The following CDH12 variants were observed in gnomAD, a reference collection of about 807,000 sequenced individuals.
CDH12 encodes the protein cadherin-12.
CDH12 carries 41 observed loss-of-function variants against 74.1 expected under a neutral mutation model. The ratio of observed to expected loss-of-function variants is 0.55; its 90% CI spans 0.43 to 0.72. The LOEUF is 0.72. Ranked by LOEUF, CDH12 falls within the 30% of genes least tolerant of loss-of-function variation. The pLI is 0.00. For synonymous variants in CDH12, 399 were observed against 355.0 expected, an observed-to-expected ratio of 1.12 and a Z score of -1.39; for missense variants, 945 against 977.2, an observed-to-expected ratio of 0.97 and a Z score of 0.44.
intron 1 of CDH12, among the ~76,000 whole-genome samples, chr5:22,744,424 G>A (rs962789205): frequency 1.6e-4 from 22 of 139,670 alleles, no homozygotes; most frequent in African/African-American, 4.8e-4. Context: ...GTGAGACTCC[G>A]TCTCAAAAAA....
Position 22,451,422 on chromosome 5 carries a change from C to A in CDH12, c.-427-46071G>T, listed in dbSNP as rs186541613. Among the ~76,000 whole-genome samples the A allele has an allele frequency of 6.2e-3, 946 of 151,924 alleles. 7 individuals are homozygous for A. Among genetic ancestry groups the A allele is most frequent in the African/African-American group, 0.021 (889 of 41,494 alleles). ...CAATGCGAGGATGGTTCACTATATG[C>A]AAATCAATACACATGATCTAGCACC... is the stretch of plus-strand genomic sequence containing the variant. On this transcript the variant is annotated intron_variant, in intron 2 of 14. Transcript: ENST00000382254.
chr5:21,922,896 CTAG>C (rs1754415830), intron 6 of CDH12, among the ~76,000 whole-genome samples: 1 of 151,450 alleles, frequency 6.6e-6, no homozygotes, highest in Non-Finnish European at 1.5e-5. Flanking sequence ...TTGAATCAGG[CTAG>C]TAATAAATAC....
At chr5:21,821,954 T>C (rs1207578220) in intron 8 of CDH12, among the ~76,000 whole-genome samples, 2 of 151,560 alleles carry the variant, frequency 1.3e-5, no homozygotes, top group African/African-American at 4.8e-5. Context: ...TATTTCACCT[T>C]ACTTAAACAA....
intron 4 of CDH12, among the ~76,000 whole-genome samples, chr5:22,104,517 GT>G (rs1744319315): frequency 6.6e-6 from 1 of 152,092 alleles, no homozygotes; most frequent in South Asian, 2.1e-4. Context: ...TGTTTGTTTT[GT>G]TATTAGCAGG....
At chr5:22,393,609 G>A (rs1238557726) in intron 3 of CDH12, among the ~76,000 whole-genome samples, 3 of 152,062 alleles carry the variant, frequency 2.0e-5, no homozygotes, top group African/African-American at 7.2e-5. Flanking sequence ...GAAGAATTTG[G>A]AGAAGCACAA....
intron 1 of CDH12, among the ~76,000 whole-genome samples, chr5:22,523,221 T>C (rs1257619745): frequency 6.6e-6 from 1 of 152,198 alleles, no homozygotes; most frequent in African/African-American, 2.4e-5. Context: ...GGTGCTGATT[T>C]CACGTCATAT....
At chr5:22,639,387 C>T (rs939376841) in intron 1 of CDH12, among the ~76,000 whole-genome samples, 4 of 149,720 alleles carry the variant, frequency 2.7e-5, no homozygotes, top group African/African-American at 9.8e-5. Context: ...TGTGGCTGGG[C>T]AAGTTTTTAA....
At position 22,002,807 on chromosome 5, in the gene CDH12, A is replaced by T. The variant is rs1019104787; in HGVS notation, c.232-27422T>A. 9.5e-4 allele frequency among the ~76,000 whole-genome samples: 144 copies of T among 152,212 alleles called. 2 individuals carry two copies. Among genetic ancestry groups the T allele is most frequent in the African/African-American group, 3.0e-3 (126 of 41,558 alleles). Reference sequence around the variant, plus strand: ...TCAGTGTGCACAGCAATATGGAAAAAAAAATCAATATAACGAACATTTTCA... The same window carrying T: ...TCAGTGTGCACAGCAATATGGAAAATAAAATCAATATAACGAACATTTTCA... On this transcript the variant is annotated intron_variant, in intron 5 of 14. Coordinates refer to ENST00000382254, the MANE Select transcript of CDH12 (RefSeq NM_004061.5).
chr5:22,115,455 T>C (rs1385500859), intron 4 of CDH12, among the ~76,000 whole-genome samples: 2 of 152,182 alleles, frequency 1.3e-5, no homozygotes, highest in Non-Finnish European at 2.9e-5. Flanking sequence ...GACATTACAA[T>C]ATATTGCCAT....
intron 1 of CDH12, among the ~76,000 whole-genome samples, chr5:22,837,768 T>C (rs933295321): frequency 6.6e-6 from 1 of 152,192 alleles, no homozygotes; most frequent in African/African-American, 2.4e-5. Context: ...AGAATTTACA[T>C]GGAAACTATA....
chr5:22,272,145 T>A (rs1249045622), intron 3 of CDH12, among the ~76,000 whole-genome samples: 2 of 152,220 alleles, frequency 1.3e-5, no homozygotes, highest in Non-Finnish European at 2.9e-5. Context: ...TCATCAATGA[T>A]CTTAGCTAGA....
intron 6 of CDH12, among the ~76,000 whole-genome samples, chr5:21,886,976 T>G (rs1014966608): frequency 2.0e-5 from 3 of 152,146 alleles, no homozygotes. Context: ...TTTCCTCTAG[T>G]GTGCCATGCA....
At chr5:22,606,201 G>T (rs1737106578) in intron 1 of CDH12, among the ~76,000 whole-genome samples, 1 of 152,048 alleles carries the variant, frequency 6.6e-6, no homozygotes, top group African/African-American at 2.4e-5. Flanking sequence ...TTGAATTTAG[G>T]GACAGGATCT....
chr5:22,402,296 C>A (rs115175564), intron 3 of CDH12, among the ~76,000 whole-genome samples: 1,840 of 152,310 alleles, frequency 0.012, 37 homozygotes, highest in African/African-American at 0.041. Flanking sequence ...GAGAATGCTT[C>A]TCACTTCTTA....
At chr5:22,233,983 T>C (rs1035074072) in intron 3 of CDH12, among the ~76,000 whole-genome samples, 11 of 152,292 alleles carry the variant, frequency 7.2e-5, no homozygotes, top group African/African-American at 1.9e-4. Flanking sequence ...AATTAGTTTA[T>C]ATAAAACAAA....
chr5:22,472,189 A>T (rs992402524), intron 2 of CDH12, among the ~76,000 whole-genome samples: 1 of 152,064 alleles, frequency 6.6e-6, no homozygotes, highest in African/African-American at 2.4e-5. Flanking sequence ...AAAAATTCTT[A>T]TTAAGTCAGA....
At chr5:22,304,195 T>A (rs1738008868) in intron 3 of CDH12, among the ~76,000 whole-genome samples, 1 of 152,050 alleles carries the variant, frequency 6.6e-6, no homozygotes, top group Non-Finnish European at 1.5e-5. Context: ...TTTGGAGAGT[T>A]AACGAGATGC....
At chr5:21,768,680 C>T (rs776552398) in intron 11 of CDH12, among the ~76,000 whole-genome samples, 3 of 151,938 alleles carry the variant, frequency 2.0e-5, no homozygotes, top group Non-Finnish European at 2.9e-5. Context: ...AAAGCCCACA[C>T]CCAGGTGGCT....
chr5:22,378,661 T>C (rs1741637549), intron 3 of CDH12, among the ~76,000 whole-genome samples: 1 of 152,116 alleles, frequency 6.6e-6, no homozygotes, highest in Non-Finnish European at 1.5e-5. Flanking sequence ...TATTTAATTC[T>C]ATTGAGTTGT....
Sources: gnomAD v4.1 joint callset for allele counts (sites outside exome capture counted in the v4.1 genomes callset) on GRCh38, gnomAD v4.1.1 for gene constraint, MANE v1.5 for transcripts, NCBI Gene and HGNC (gene_info 2026-07-23, HGNC 2026-07-21) for gene names.